Variants in PITPNC1 observed in about 807,000 individuals in gnomAD.
PITPNC1 encodes phosphatidylinositol transfer protein cytoplasmic 1.
A neutral mutation model predicts 44.7 loss-of-function variants in PITPNC1; 18 were observed. The ratio of observed to expected loss-of-function variants is 0.40; its 90% CI spans 0.28 to 0.60. The LOEUF is 0.60. Among genes scored for constraint, PITPNC1 ranks in the 20% least tolerant of loss-of-function variants. The pLI, the probability that PITPNC1 is intolerant of heterozygous loss-of-function variation, is 0.39. For missense variants in PITPNC1, 290 were observed against 418.4 expected (o/e 0.69, Z 2.68); for synonymous variants, 141 against 149.6 (o/e 0.94, Z 0.42).
chr17:67,489,524 C>T (rs1485985782), intron 1 of PITPNC1, among the ~76,000 whole-genome samples: 1 of 152,164 alleles, frequency 6.6e-6, no homozygotes, highest in East Asian at 1.9e-4. Context: ...TCACGGGATT[C>T]ACCTTGTGGC....
At chr17:67,558,518 A>G (rs1307327194) in intron 4 of PITPNC1, among the ~76,000 whole-genome samples, 5 of 152,200 alleles carry the variant, frequency 3.3e-5, no homozygotes, top group Non-Finnish European at 7.4e-5. Flanking sequence ...AGCAGTATCA[A>G]TTCAGCCTTG....
intron 4 of PITPNC1, among the ~76,000 whole-genome samples, chr17:67,563,623 G>C (rs1479851387): frequency 6.6e-6 from 1 of 152,170 alleles, no homozygotes; most frequent in Admixed American, 6.5e-5. Flanking sequence ...TGGCCATTCT[G>C]TCCCTAATAT....
intron 7 of PITPNC1, among the ~76,000 whole-genome samples, chr17:67,670,121 T>C (rs1200509279): frequency 6.6e-6 from 1 of 152,156 alleles, no homozygotes; most frequent in Non-Finnish European, 1.5e-5. Flanking sequence ...AAAATACTTT[T>C]TGGATGAAAA....
chr17:67,492,815 T>C (rs1356479512), intron 1 of PITPNC1, among the ~76,000 whole-genome samples: 1 of 152,204 alleles, frequency 6.6e-6, no homozygotes, highest in Non-Finnish European at 1.5e-5. Context: ...TGAGATGTGT[T>C]TATCCTGTTG....
chr17:67,618,232 G>C (rs1248754002), intron 5 of PITPNC1, among the ~76,000 whole-genome samples: 1 of 151,898 alleles, frequency 6.6e-6, no homozygotes, highest in African/African-American at 2.4e-5. Context: ...GGGCGTGATG[G>C]TGCACACCTG....
At chr17:67,576,858 T>C (rs61507727) in intron 4 of PITPNC1, among the ~76,000 whole-genome samples, 2,323 of 152,314 alleles carry the variant, frequency 0.015, 63 homozygotes, top group African/African-American at 0.053. Context: ...CCCAGTATTA[T>C]ACATTTTTAA....
At chr17:67,447,384 CT>C (rs1251270514) in intron 1 of PITPNC1, among the ~76,000 whole-genome samples, 2 of 151,990 alleles carry the variant, frequency 1.3e-5, no homozygotes, top group African/African-American at 4.8e-5. Context: ...CCTGCTGCCC[CT>C]GGAATGCCCC....
chr17:67,451,637 T>G (rs115084702), intron 1 of PITPNC1, among the ~76,000 whole-genome samples: 1,761 of 151,686 alleles, frequency 0.012, 28 homozygotes, highest in African/African-American at 0.032. Context: ...ACCTTTTTTT[T>G]TTTTGTTTTG....
rs974426476 is a variant in PITPNC1, at chr17:67,432,558, G to T, written c.48+54356G>T. Among the ~76,000 whole-genome samples the T allele has an allele frequency of 4.6e-5, 7 of 152,250 alleles. No homozygotes were observed. In the South Asian group the frequency reaches 1.5e-3, roughly 32 times the overall value. Reference sequence around the variant, plus strand: ...AAATAAAATAAAACTAATGATAACTGATGAGCTAAAATAAATAAATAAAGG... The same window carrying T: ...AAATAAAATAAAACTAATGATAACTTATGAGCTAAAATAAATAAATAAAGG... On this transcript the variant is annotated intron_variant, in intron 1 of 8. Transcript: ENST00000581322.
chr17:67,432,648 G>A (rs183832957), intron 1 of PITPNC1, among the ~76,000 whole-genome samples: 1 of 152,294 alleles, frequency 6.6e-6, no homozygotes, highest in Non-Finnish European at 1.5e-5. Context: ...TATTCAAAGG[G>A]TTGGACATGG....
At chr17:67,474,118 G>A (rs1007295702) in intron 1 of PITPNC1, among the ~76,000 whole-genome samples, 2 of 152,134 alleles carry the variant, frequency 1.3e-5, no homozygotes, top group African/African-American at 4.8e-5. Flanking sequence ...AGATGCTGGG[G>A]GAGGAATGGG....
intron 5 of PITPNC1, among the ~76,000 whole-genome samples, chr17:67,601,746 C>T (rs1240879732): frequency 6.6e-6 from 1 of 151,834 alleles, no homozygotes; most frequent in African/African-American, 2.4e-5. Context: ...CAGAGCAAGA[C>T]CCTGTCTCAA....
At chr17:67,618,394 A>G (rs2041788316) in intron 5 of PITPNC1, among the ~76,000 whole-genome samples, 1 of 140,326 alleles carries the variant, frequency 7.1e-6, no homozygotes, top group African/African-American at 2.6e-5. Context: ...AAAGATATGT[A>G]TAACTTTTAT....
intron 1 of PITPNC1, among the ~76,000 whole-genome samples, chr17:67,420,361 CTCCT>C (rs1166917710): frequency 4.5e-3 from 180 of 40,352 alleles, no homozygotes; most frequent in Non-Finnish European, 4.9e-3. Context: ...CTTTCTCTCT[CTCCT>C]TCCTTCCTTC....
In PITPNC1 at chr17:67,485,495, G is replaced by A. The variant is rs144973701; in HGVS notation, c.49-47307G>A. 3.5e-3 allele frequency among the ~76,000 whole-genome samples: 528 copies of A among 151,526 alleles called. 1 individual carries two copies. The highest frequency in any genetic ancestry group is 0.012 in the African/African-American group (493 of 41,230). ...TTCTCCTACCTCAGCCTCCTGAGTA[G>A]CTGGGATTACAGGCACTCACCACCA... On this transcript the variant is annotated intron_variant, in intron 1 of 8. Transcript: ENST00000581322.
intron 6 of PITPNC1, among the ~76,000 whole-genome samples, chr17:67,650,519 G>C (rs575314510): frequency 7.5e-6 from 1 of 132,658 alleles, no homozygotes; most frequent in Admixed American, 9.0e-5. Context: ...TGCGATCTCA[G>C]CTCACTGCAA....
intron 5 of PITPNC1, among the ~76,000 whole-genome samples, chr17:67,602,868 C>T (rs886459050): frequency 3.9e-5 from 6 of 152,142 alleles, no homozygotes; most frequent in Admixed American, 2.0e-4. Flanking sequence ...TCCCAAGTAG[C>T]TGGAACTACA....
intron 1 of PITPNC1, among the ~76,000 whole-genome samples, chr17:67,469,568 G>A (rs999396000): frequency 2.0e-5 from 3 of 152,098 alleles, no homozygotes; most frequent in Non-Finnish European, 2.9e-5. Context: ...TCAGACCAGC[G>A]GCCCCAGGCT....
At chr17:67,584,541 TA>T (rs944473535) in intron 5 of PITPNC1, among the ~76,000 whole-genome samples, 129 of 149,486 alleles carry the variant, frequency 8.6e-4, no homozygotes, top group Admixed American at 3.0e-3. Flanking sequence ...TTTCTTTATT[TA>T]AAAAAAAAAT....
Sources: gnomAD v4.1 joint callset for allele counts (sites outside exome capture counted in the v4.1 genomes callset) on GRCh38, gnomAD v4.1.1 for gene constraint, MANE v1.5 for transcripts, NCBI Gene and HGNC (gene_info 2026-07-23, HGNC 2026-07-21) for gene names.